The following FGF11 variants were observed in gnomAD, a reference collection of about 807,000 sequenced individuals.
FGF11 encodes the protein fibroblast growth factor homologous factor 3.
A neutral mutation model predicts 25.1 loss-of-function variants in FGF11; 25 were observed. That is an observed-to-expected ratio of 1.00 (90% CI 0.73 to 1.39). The LOEUF (loss-of-function observed/expected upper bound fraction) is 1.39. Ranked by LOEUF, FGF11 falls within the 40% of genes most tolerant of loss-of-function variation. FGF11 has a pLI of 0.00. For missense variants in FGF11, 320 were observed against 311.0 expected (o/e 1.03, Z -0.22); for synonymous variants, 130 against 128.9 (o/e 1.01, Z -0.06).
rs201773281 is a variant in FGF11 at position 7,443,114 on chromosome 17, G to A, written c.646G>A (p.Glu216Lys). 1.9e-5 allele frequency: 30 copies of A among 1,611,796 alleles called. No homozygotes were observed. The highest frequency in any genetic ancestry group is 2.2e-5 in the East Asian group (1 of 44,872). The change falls in exon 5 of 5, where the codon GAG (glutamate) becomes AAG (lysine). Residue 216 changes from glutamate (E) to lysine (K), a missense_variant. Transcript: ENST00000293829. ...YQEPSLHSVP[E>K]ASPSSPPAP ...GGAGCCTTCTCTCCACAGTGTCCCC[G>A]AGGCCTCCCCTTCCAGTCCCCCTGC... is the stretch of plus-strand genomic sequence containing the variant.
In FGF11 at chr17:7,443,135, C is replaced by A; in HGVS notation, c.667C>A (p.Pro223Thr). The A allele has an allele frequency of 1.9e-6, 3 of 1,600,414 alleles. No homozygotes were observed. The highest frequency in any genetic ancestry group is 1.7e-6 in the Non-Finnish European group (2 of 1,168,894). The change falls in exon 5 of 5, where the codon CCT (proline) becomes ACT (threonine). Residue 223 changes from proline to threonine, a missense_variant. By Grantham distance (38) the Pro-to-Thr change is conservative. Coordinates refer to ENST00000293829, the MANE Select transcript of FGF11 (RefSeq NM_004112.4). ...SVPEASPSSP[P>T]AP The stretch of plus-strand genomic sequence containing the variant: ...CCCCGAGGCCTCCCCTTCCAGTCCC[C>A]CTGCCCCCTGAAATGTAGTCCCTGG...
Position 7,441,854 on chromosome 17 carries a change from A to G in FGF11, c.383A>G (p.Asn128Ser), listed in dbSNP as rs112893032. The change falls in exon 3 of 5, where the codon AAT becomes AGT. Residue 128 changes from asparagine to serine, a missense_variant. Physicochemically the swap from Asn to Ser is conservative, Grantham distance 46 (BLOSUM62 1). Transcript: ENST00000293829. ...AAGCTGGGTCACTACATGGCCATGA[A>G]TGCTGAGGGACTGCTCTACAGTTCG... ...SAKLGHYMAM[N>S]AEGLLYSSPH... The G allele has an allele frequency of 1.9e-6, 3 of 1,611,600 alleles. No homozygotes were observed. Among genetic ancestry groups the G allele is most frequent in the Non-Finnish European group, 1.7e-6 (2 of 1,178,886 alleles).
rs1908341253 is a variant in FGF11 at position 7,441,809 on chromosome 17, TG to T, written c.340del (p.Val114SerfsTer14). On this transcript the variant is annotated frameshift_variant, in exon 3 of 5. Coordinates refer to ENST00000293829, the MANE Select transcript of FGF11 (RefSeq NM_004112.4). LOFTEE classifies it high-confidence loss of function. ...AACCTGATCCCTGTGGGCCTCCGTG[TG>T]GTCACCATCCAGAGCGCCAAGCTGG... The part of the protein sequence containing the change: ...HFNLIPVGLR[V>X]VTIQSAKLGH... The T allele has an allele frequency of 6.2e-7, 1 of 1,612,426 alleles. No individual in the cohort carries two copies. Among genetic ancestry groups the T allele is most frequent in the Non-Finnish European group, 8.5e-7 (1 of 1,179,202 alleles).
At chr17:7,442,520 G>A in intron 3 of FGF11, 74 bp from the exon 4 acceptor site, 1 of 1,603,960 alleles carries the variant, frequency 6.2e-7, no homozygotes, top group Non-Finnish European at 8.5e-7. Context: ...CTTTCCATGA[G>A]CTCCTTTCTG....
At position 7,441,584 on chromosome 17, in the gene FGF11, G is replaced by A. The variant is rs776298726; in HGVS notation, c.304+3G>A. 5.0e-6 allele frequency: 8 copies of A among 1,614,046 alleles called. No individual in the cohort carries two copies. The South Asian group carries it at 7.7e-5, about 16-fold the overall frequency. ...CCCAGAGGATACCAGCTCCTTCAGTGAGAGGGGAAGCTGGCTGCAGGGTGG... is the reference window on the plus strand; with the variant it reads ...CCCAGAGGATACCAGCTCCTTCAGTAAGAGGGGAAGCTGGCTGCAGGGTGG... On this transcript the variant is annotated splice_donor_region_variant and intron_variant, in intron 2 of 4. Transcript: ENST00000293829.
rs1908274075 is a variant in FGF11 at position 7,440,544 on chromosome 17, G to A, written c.193+731G>A. On this transcript the variant is annotated intron_variant, in intron 1 of 4. Coordinates refer to ENST00000293829, the MANE Select transcript of FGF11 (RefSeq NM_004112.4). The surrounding 1 kb of genome is among the most constrained non-coding windows in gnomAD (Gnocchi z 5.4). The stretch of plus-strand genomic sequence containing the variant: ...TCGGGGGTCGTACCACCTACAAGGG[G>A]GGACAGGGAAGTCGGCAGAGAGCAA... 1 of 520,692 alleles carries A rather than the reference G, an allele frequency of 1.9e-6. No homozygotes were observed. The highest frequency in any genetic ancestry group is 2.1e-5 in the African/African-American group (1 of 48,278). The allele number at this position is 520,692 out of a possible 1,614,324, so 32.3% of individuals were successfully genotyped here.
upstream of FGF11, chr17:7,439,456 G>A: frequency 2.0e-6 from 1 of 512,638 alleles, no homozygotes; most frequent in Non-Finnish European, 3.3e-6. Context: ...CTGTGGAGGG[G>A]GGTACGTGAG....
chr17:7,438,500 C>T (rs562705263), upstream of FGF11: 56 of 153,264 alleles, frequency 3.7e-4, 1 homozygote, highest in South Asian at 0.011. Context: ...AAGCCAGCGC[C>T]ACCCGTCGCC....
Position 7,439,552 on chromosome 17 carries a change from G to A in FGF11, c.-69G>A. The stretch of plus-strand genomic sequence containing the variant: ...CGTCAAGAGCATGCCCTAGTGAGCG[G>A]GCTCCTCTGGGGGAGCCCAGCGCGC... On this transcript the variant is annotated 5_prime_UTR_variant, in exon 1 of 5. Transcript: ENST00000293829. The A allele has an allele frequency of 1.6e-6, 2 of 1,280,084 alleles. No homozygotes were observed. The highest frequency in any genetic ancestry group is 2.0e-6 in the Non-Finnish European group (2 of 987,376). The allele number at this position is 1,280,084 out of a possible 1,614,324, so 79.3% of individuals were successfully genotyped here.
At position 7,444,045 on chromosome 17, in the gene FGF11, C is replaced by A. The variant is rs1031325672; in HGVS notation, c.*899C>A. ...TATTACGGATGAGTTCTGGAAAAGACCCAGCTATGATTCATAAAAACACTT... is the reference window on the plus strand; with the variant it reads ...TATTACGGATGAGTTCTGGAAAAGAACCAGCTATGATTCATAAAAACACTT... On this transcript the variant is annotated 3_prime_UTR_variant, in exon 5 of 5. Transcript: ENST00000293829. The A allele has an allele frequency of 3.3e-5, 5 of 152,160 alleles. No homozygotes were observed. The highest frequency in any genetic ancestry group is 7.3e-5 in the Non-Finnish European group (5 of 68,038). 9.4% of individuals were successfully genotyped at this position (152,160 alleles called of 1,614,324 possible).
chr17:7,441,771 T>G lies in FGF11; in HGVS notation c.305-5T>G, dbSNP rs1427500940. The G allele has an allele frequency of 6.3e-7, 1 of 1,595,602 alleles. No homozygotes were observed. The highest frequency in any genetic ancestry group is 2.2e-5 in the East Asian group (1 of 44,746). On this transcript the variant is annotated splice_region_variant and splice_polypyrimidine_tract_variant and intron_variant, in intron 2 of 4. Transcript: ENST00000293829. Reference sequence around the variant, plus strand: ...GGTATTGATGCTCCCTCTCTCCACCTGCAGCCCACTTCAACCTGATCCCTG... The same window carrying G: ...GGTATTGATGCTCCCTCTCTCCACCGGCAGCCCACTTCAACCTGATCCCTG...
chr17:7,442,642 T>C lies in FGF11; in HGVS notation c.457T>C (p.Tyr153His). The stretch of plus-strand genomic sequence containing the variant: ...CTTTAAGGAGTGTGTCTTTGAGAAT[T>C]ACTACGTCCTGTACGCCTCTGCTCT... ...CRFKECVFEN[Y>H]YVLYASALYR... Residue 153 changes from tyrosine to histidine, a missense_variant, in exon 4 of 5, where the codon TAC (tyrosine) becomes CAC (histidine). By Grantham distance (83) the Tyr-to-His change is moderately conservative. Coordinates refer to ENST00000293829, the MANE Select transcript of FGF11 (RefSeq NM_004112.4). 6.2e-7 allele frequency: 1 copy of C among 1,614,220 alleles called. No individual in the cohort carries two copies. Among genetic ancestry groups the C allele is most frequent in the East Asian group, 2.2e-5 (1 of 44,884 alleles).
intron 4 of FGF11, 138 bp downstream of exon 4, chr17:7,442,930 T>C (rs1908400338): frequency 8.4e-7 from 1 of 1,192,624 alleles, no homozygotes; most frequent in Non-Finnish European, 1.2e-6. Flanking sequence ...CTTTGCCCTT[T>C]GGGGGTTTGG....
chr17:7,439,785 G>C lies in FGF11; in HGVS notation c.165G>C (p.Gly55=). ...ILLSKVRLCG[G]RPARPDRGPE... ...TGTCCAAGGTGCGACTGTGCGGGGG[G>C]CGGCCCGCGCGGCCGGACCGCGGCC... Residue 55 remains glycine (G), a synonymous_variant, in exon 1 of 5, where the codon GGG becomes GGC. Transcript: ENST00000293829. 6.8e-7 allele frequency: 1 copy of C among 1,462,424 alleles called. No individual in the cohort carries two copies. Among genetic ancestry groups the C allele is most frequent in the East Asian group, 2.8e-5 (1 of 35,454 alleles). 90.6% of individuals were successfully genotyped at this position (1,462,424 alleles called of 1,614,324 possible).
chr17:7,441,539 G>A lies in FGF11; in HGVS notation c.262G>A (p.Asp88Asn), dbSNP rs756454648. Reference protein sequence around the residue: ...RQGFYLQANPDGSIQGTPEDT... With the variant: ...RQGFYLQANPNGSIQGTPEDT... ...GGGTTTCTACCTCCAGGCGAATCCCGACGGAAGCATCCAGGGCACCCCAGA... is the reference window on the plus strand; with the variant it reads ...GGGTTTCTACCTCCAGGCGAATCCCAACGGAAGCATCCAGGGCACCCCAGA... Residue 88 changes from aspartate to asparagine, a missense_variant, in exon 2 of 5, where the codon GAC becomes AAC. Asp to Asn is a conservative substitution (Grantham distance 23). Transcript: ENST00000293829. 10 of 1,614,058 alleles carry A rather than the reference G, an allele frequency of 6.2e-6. No homozygotes were observed. The South Asian group carries it at 8.8e-5, about 14-fold the overall frequency.
At chr17:7,441,402 C>A (rs1908315156) in intron 1 of FGF11, 69 bp from the exon 2 acceptor site, 1 of 1,596,938 alleles carries the variant, frequency 6.3e-7, no homozygotes, top group Non-Finnish European at 8.5e-7. Flanking sequence ...TCCCTCTAAT[C>A]CTGCCAAGTG....
chr17:7,442,801 A>C lies in FGF11; in HGVS notation c.607+9A>C. 6.2e-7 allele frequency: 1 copy of C among 1,613,676 alleles called. No homozygotes were observed. The highest frequency in any genetic ancestry group is 8.5e-7 in the Non-Finnish European group (1 of 1,179,784). On this transcript the variant is annotated intron_variant, in intron 4 of 4. Transcript: ENST00000293829. ...GCCCAAGCTCCTGGAGGGTGGGTAT[A>C]GACTCAAGAAAATGTGGGCCACAGG...
chr17:7,438,780 A>G (rs1263149053), upstream of FGF11, among the ~76,000 whole-genome samples: 1 of 152,176 alleles, frequency 6.6e-6, no homozygotes, highest in Non-Finnish European at 1.5e-5. Flanking sequence ...AACAAAAACA[A>G]AAACAAACAC....
rs373085893 is a variant in FGF11, at chr17:7,439,785, G to A, written c.165G>A (p.Gly55=). The part of the protein sequence containing the change: ...ILLSKVRLCG[G]RPARPDRGPE... ...TGTCCAAGGTGCGACTGTGCGGGGG[G>A]CGGCCCGCGCGGCCGGACCGCGGCC... The change falls in exon 1 of 5, where the codon GGG becomes GGA. Residue 55 remains glycine (G), a synonymous_variant. Transcript: ENST00000293829. 214 of 1,462,420 alleles carry A rather than the reference G, an allele frequency of 1.5e-4. No individual in the cohort carries two copies. The highest frequency in any genetic ancestry group is 1.2e-3 in the African/African-American group (82 of 67,248). The allele number at this position is 1,462,420 out of a possible 1,614,324, so 90.6% of individuals were successfully genotyped here. A position where few individuals can be genotyped will look rare whatever the true frequency, so the allele number is the denominator to read the frequency against.
Sources: allele counts gnomAD v4.1 joint callset (sites outside exome capture counted in the v4.1 genomes callset), GRCh38; gene constraint gnomAD v4.1.1; non-coding constraint Gnocchi (gnomAD v3.1); transcripts MANE v1.5; gene names NCBI Gene and HGNC (gene_info 2026-07-23, HGNC 2026-07-21).